The following PRKD3 variants were observed in gnomAD, a reference collection of about 807,000 sequenced individuals.
PRKD3 encodes the protein protein kinase D3, also known as serine/threonine-protein kinase D3.
PRKD3 carries 47 observed loss-of-function variants against 99.2 expected under a neutral mutation model. That is an observed-to-expected ratio of 0.47 (90% CI 0.38 to 0.60). The LOEUF is 0.60. PRKD3 is among the 20% of genes least tolerant of loss of function. PRKD3 has a pLI of 0.00. For missense variants in PRKD3, 1,019 were observed against 1,088.4 expected (o/e 0.94, Z 0.90); for synonymous variants, 392 against 355.4 (o/e 1.10, Z -1.16).
In PRKD3 at chr2:37,253,289, G is replaced by A; in HGVS notation, c.2561C>T (p.Thr854Ile). 1 of 1,612,958 alleles carries A rather than the reference G, an allele frequency of 6.2e-7. No individual in the cohort carries two copies. The highest frequency in any genetic ancestry group is 1.1e-5 in the South Asian group (1 of 90,954). ...FETRIGERYI[T>I]HESDDARWEI... is the part of the protein sequence containing the mutation. Reference sequence around the variant, plus strand: ...CCAGCGAGCATCATCACTTTCATGTGTAATGTAACGTTCTCCAATGCGAGT... The same window carrying A: ...CCAGCGAGCATCATCACTTTCATGTATAATGTAACGTTCTCCAATGCGAGT... Residue 854 changes from threonine to isoleucine, a missense_variant, in exon 19 of 19, where the codon ACA becomes ATA. Physicochemically the swap from Thr to Ile is moderately conservative, Grantham distance 89. Around this residue, in one of 3 missense-constraint regions of PRKD3, gnomAD observed 125 missense variants for 120.6 expected, o/e 1.04. Transcript: ENST00000234179.
chr2:37,268,146 ATT>A, intron 13 of PRKD3: 1 of 353,852 alleles, frequency 2.8e-6, no homozygotes. Context: ...TGACAGGTAT[ATT>A]TTTGGTATTT....
chr2:37,263,297 T>G (rs1267195646), intron 14 of PRKD3, among the ~76,000 whole-genome samples: 1 of 152,220 alleles, frequency 6.6e-6, no homozygotes, highest in Admixed American at 6.5e-5. Context: ...AGTTTTCATG[T>G]AGGAGCTTGT....
rs114472910 is a variant in PRKD3 at position 37,278,080 on chromosome 2, G to A, written c.1173-91C>T. The A allele has an allele frequency of 8.7e-4, 984 of 1,131,182 alleles. 8 individuals carry two copies. In the African/African-American group the frequency reaches 0.014, roughly 16 times the overall value. 70.1% of individuals were successfully genotyped at this position (1,131,182 alleles called of 1,614,324 possible). A position where few individuals can be genotyped will look rare whatever the true frequency, so the allele number is the denominator to read the frequency against. ...ACATGAAGCCTTTTTAAAGACAACT[G>A]AGCTAAAATTTTTCAAAATATCTTA... On this transcript the variant is annotated intron_variant, in intron 8 of 18. Coordinates refer to ENST00000234179, the MANE Select transcript of PRKD3 (RefSeq NM_005813.6).
At chr2:37,279,622 G>T in intron 8 of PRKD3, 124 bp downstream of exon 8, 1 of 606,510 alleles carries the variant, frequency 1.6e-6, no homozygotes, top group Non-Finnish European at 2.5e-6. Flanking sequence ...AAAAGAATTA[G>T]CCACAATTTA....
Position 37,256,761 on chromosome 2 carries a change from C to T in PRKD3, c.2314G>A (p.Gly772Ser). The part of the protein sequence containing the change: ...VGVIIYVSLS[G>S]TFPFNEDEDI... ...TCATCCTCATTAAAAGGAAATGTGCCACTGAGGCTCACATAGATGATAACT... is the reference window on the plus strand; with the variant it reads ...TCATCCTCATTAAAAGGAAATGTGCTACTGAGGCTCACATAGATGATAACT... The change falls in exon 17 of 19, where the codon GGC becomes AGC. Residue 772 changes from glycine to serine, a missense_variant. Gly to Ser is a moderately conservative substitution (Grantham distance 56, BLOSUM62 0). Around this residue, in one of 3 missense-constraint regions of PRKD3, gnomAD observed 184 missense variants for 275.1 expected, o/e 0.67. Transcript: ENST00000234179. The T allele has an allele frequency of 2.5e-6, 4 of 1,612,264 alleles. No individual in the cohort carries two copies. The highest frequency in any genetic ancestry group is 2.2e-5 in the South Asian group (2 of 91,018).
intron 6 of PRKD3, among the ~76,000 whole-genome samples, chr2:37,284,941 C>T (rs1028787272): frequency 1.3e-5 from 2 of 152,144 alleles, no homozygotes; most frequent in African/African-American, 4.8e-5. Flanking sequence ...ATCCCTCCCC[C>T]CTCAGAAAAG....
chr2:37,322,215 G>C (rs1671915969), intron 1 of PRKD3, among the ~76,000 whole-genome samples: 1 of 152,144 alleles, frequency 6.6e-6, no homozygotes, highest in African/African-American at 2.4e-5. Context: ...GTTTGACTTT[G>C]CTTAGTAATT....
rs188816364 is a variant in PRKD3, at chr2:37,311,735, T to C, written c.288+4502A>G. Reference sequence around the variant, plus strand: ...TATACAATTTCAATATTTGAAAAAATGTATCTTCAGATTGTTACTTATCTG... The same window carrying C: ...TATACAATTTCAATATTTGAAAAAACGTATCTTCAGATTGTTACTTATCTG... On this transcript the variant is annotated intron_variant, in intron 2 of 18. Transcript: ENST00000234179. Among the ~76,000 whole-genome samples, 714 of 152,254 alleles carry C rather than the reference T, an allele frequency of 4.7e-3. 3 individuals are homozygous for C. Among genetic ancestry groups the C allele is most frequent in the Non-Finnish European group, 8.7e-3 (594 of 68,000 alleles).
At position 37,289,370 on chromosome 2, in the gene PRKD3, G is replaced by C. The variant is rs1358742228; in HGVS notation, c.703C>G (p.Leu235Val). 1 of 1,613,932 alleles carries C rather than the reference G, an allele frequency of 6.2e-7. No homozygotes were observed. The highest frequency in any genetic ancestry group is 2.2e-5 in the East Asian group (1 of 44,868). The part of the protein sequence containing the change: ...PRPLQPEYVA[L>V]PSEESHVHQE... ...AGAATACGTACCTCTTCACTGGGAA[G>C]GGCTACATATTCAGGCTGTAGGGGT... Residue 235 changes from leucine (L) to valine (V), a missense_variant, in exon 5 of 19, where the codon CTT becomes GTT. Coordinates refer to ENST00000234179, the MANE Select transcript of PRKD3 (RefSeq NM_005813.6).
At chr2:37,267,010 C>T (rs577377202) in intron 14 of PRKD3, among the ~76,000 whole-genome samples, 7 of 152,146 alleles carry the variant, frequency 4.6e-5, no homozygotes, top group South Asian at 2.1e-4. Flanking sequence ...CTTTAAAATA[C>T]GCCCCAATCG....
At chr2:37,287,376 C>T (rs1001353290) in intron 5 of PRKD3, among the ~76,000 whole-genome samples, 2 of 150,710 alleles carry the variant, frequency 1.3e-5, no homozygotes, top group Non-Finnish European at 2.9e-5. Flanking sequence ...CTTTTCTTCC[C>T]TTTTTTTTCT....
At chr2:37,299,769 G>T (rs867400764) in intron 2 of PRKD3, among the ~76,000 whole-genome samples, 3 of 152,018 alleles carry the variant, frequency 2.0e-5, no homozygotes, top group African/African-American at 7.3e-5. Context: ...ACAAATGCCC[G>T]ATTGGTATAT....
intron 2 of PRKD3, among the ~76,000 whole-genome samples, chr2:37,302,852 G>C (rs777076808): frequency 2.0e-5 from 3 of 152,056 alleles, no homozygotes; most frequent in African/African-American, 7.2e-5. Flanking sequence ...AGAAATACTA[G>C]GCAGACAGGG....
intron 1 of PRKD3, among the ~76,000 whole-genome samples, chr2:37,323,180 T>C (rs954933288): frequency 2.0e-5 from 3 of 150,930 alleles, no homozygotes; most frequent in African/African-American, 7.3e-5. Flanking sequence ...CTGATGAAAC[T>C]GAAAGCTTAA....
chr2:37,319,725 T>G (rs753610248), intron 1 of PRKD3, among the ~76,000 whole-genome samples: 1 of 151,412 alleles, frequency 6.6e-6, no homozygotes, highest in East Asian at 1.9e-4. Flanking sequence ...TGTTTATATC[T>G]ATGGTCAACA....
chr2:37,280,786 T>C (rs1344328717), intron 7 of PRKD3, among the ~76,000 whole-genome samples: 1 of 152,182 alleles, frequency 6.6e-6, no homozygotes, highest in Non-Finnish European at 1.5e-5. Context: ...ACAAAACTTC[T>C]GTGCTACAAA....
intron 6 of PRKD3, among the ~76,000 whole-genome samples, chr2:37,283,414 G>T (rs1669945540): frequency 6.6e-6 from 1 of 152,148 alleles, no homozygotes; most frequent in African/African-American, 2.4e-5. Flanking sequence ...ATAACTTTAA[G>T]TCCTGACTTA....
At chr2:37,255,560 G>A (rs1214598634) in intron 17 of PRKD3, among the ~76,000 whole-genome samples, 1 of 152,174 alleles carries the variant, frequency 6.6e-6, no homozygotes, top group Non-Finnish European at 1.5e-5. Context: ...CCCAGCAGAG[G>A]TCCACAGGAG....
Position 37,317,191 on chromosome 2 carries a change from T to C in PRKD3, c.-655-12A>G. The C allele has an allele frequency of 1.1e-6, 1 of 948,566 alleles. No individual in the cohort carries two copies. Among genetic ancestry groups the C allele is most frequent in the Non-Finnish European group, 1.3e-6 (1 of 796,386 alleles). The allele number at this position is 948,566 out of a possible 1,614,324, so 58.8% of individuals were successfully genotyped here. A position where few individuals can be genotyped will look rare whatever the true frequency, so the allele number is the denominator to read the frequency against. On this transcript the variant is annotated splice_polypyrimidine_tract_variant and intron_variant, in intron 1 of 18. Coordinates refer to ENST00000234179, the MANE Select transcript of PRKD3 (RefSeq NM_005813.6). ...GACATATAGTTAGCCTGGAAGGAAA[T>C]TTTTTAAAGGTTTTTAATACTTTAT...
Sources: allele counts gnomAD v4.1 joint callset (sites outside exome capture counted in the v4.1 genomes callset), GRCh38; gene constraint gnomAD v4.1.1; regional missense constraint gnomAD v4.1.1; transcripts MANE v1.5; gene names NCBI Gene and HGNC (gene_info 2026-07-23, HGNC 2026-07-21).